Variants in CTNNA2 observed in about 807,000 individuals in gnomAD.
CTNNA2 encodes the protein catenin alpha-2.
In CTNNA2, 42 loss-of-function variants were observed where a neutral mutation model predicts 101.0. That is an observed-to-expected ratio of 0.42 (90% CI 0.32 to 0.54). The LOEUF is 0.54. Among genes scored for constraint, CTNNA2 ranks in the 20% least tolerant of loss-of-function variants. The pLI is 0.14. For missense variants in CTNNA2, 871 were observed against 1,223.1 expected (o/e 0.71, Z 4.29); for synonymous variants, 450 against 456.4 (o/e 0.99, Z 0.18).
chr2:79,794,381 A>G (rs1346769683), intron 3 of CTNNA2, among the ~76,000 whole-genome samples: 2 of 152,100 alleles, frequency 1.3e-5, no homozygotes, highest in East Asian at 3.9e-4. Flanking sequence ...AATGCTTAAT[A>G]TGAACCTCAA....
At chr2:80,558,598 C>G (rs1693266810) in intron 12 of CTNNA2, among the ~76,000 whole-genome samples, 1 of 152,022 alleles carries the variant, frequency 6.6e-6, no homozygotes, top group African/African-American at 2.4e-5. Context: ...GTCCCTGATG[C>G]CAAATTATCT....
intron 2 of CTNNA2, among the ~76,000 whole-genome samples, chr2:79,251,423 CA>C (rs1360848889): frequency 6.6e-6 from 1 of 152,178 alleles, no homozygotes; most frequent in Non-Finnish European, 1.5e-5. Context: ...TACTCATCCT[CA>C]CCTCCTGGTA....
At chr2:79,670,742 A>T (rs1055480786) in intron 2 of CTNNA2, among the ~76,000 whole-genome samples, 1 of 152,160 alleles carries the variant, frequency 6.6e-6, no homozygotes, top group African/African-American at 2.4e-5. Context: ...AGTTTGGTTC[A>T]TTGAAGCTGA....
Position 79,882,378 on chromosome 2 carries a change from G to A in CTNNA2, c.852+8036G>A, listed in dbSNP as rs1683502687. 1.3e-5 allele frequency among the ~76,000 whole-genome samples: 2 copies of A among 152,218 alleles called. 1 individual carries two copies. Among genetic ancestry groups the A allele is most frequent in the South Asian group, 4.1e-4 (2 of 4,838 alleles). Reference sequence around the variant, plus strand: ...CCCCCTAGGGGCTCAGGCCCAGAGAGATCCATTTTCTGTCCCTGAGTCTCT... The same window carrying A: ...CCCCCTAGGGGCTCAGGCCCAGAGAAATCCATTTTCTGTCCCTGAGTCTCT... On this transcript the variant is annotated intron_variant, in intron 6 of 18. Coordinates refer to ENST00000402739, the MANE Select transcript of CTNNA2 (RefSeq NM_001282597.3).
At chr2:79,524,146 A>G (rs1672270107) in intron 1 of CTNNA2, among the ~76,000 whole-genome samples, 1 of 152,016 alleles carries the variant, frequency 6.6e-6, no homozygotes, top group Non-Finnish European at 1.5e-5. Context: ...TTTAGTTAGT[A>G]TTATATTTAA....
At chr2:80,203,945 G>T (rs1707367820) in intron 7 of CTNNA2, among the ~76,000 whole-genome samples, 1 of 152,168 alleles carries the variant, frequency 6.6e-6, no homozygotes, top group African/African-American at 2.4e-5. Context: ...GCACCTGCAG[G>T]CTCAACACCA....
At chr2:79,811,102 C>T (rs1202814639) in intron 3 of CTNNA2, among the ~76,000 whole-genome samples, 4 of 151,126 alleles carry the variant, frequency 2.6e-5, no homozygotes, top group African/African-American at 4.9e-5. Flanking sequence ...GGGATCGCCA[C>T]ACTGACTTCC....
chr2:80,125,140 G>T (rs192755812), intron 7 of CTNNA2, among the ~76,000 whole-genome samples: 6 of 152,236 alleles, frequency 3.9e-5, no homozygotes, highest in African/African-American at 1.4e-4. Context: ...CAAATCTGGG[G>T]CATCAAAATC....
intron 6 of CTNNA2, among the ~76,000 whole-genome samples, chr2:79,894,103 CTCT>C (rs771435317): frequency 8.5e-4 from 107 of 125,628 alleles, no homozygotes; most frequent in African/African-American, 2.5e-3. Flanking sequence ...CTCTTTCTTC[CTCT>C]TCTTCTTTTT....
chr2:80,008,289 G>A (rs755365614), intron 7 of CTNNA2, among the ~76,000 whole-genome samples: 5 of 152,132 alleles, frequency 3.3e-5, no homozygotes, highest in Admixed American at 2.0e-4. Context: ...TATCGCTCCC[G>A]CAGTCACCCC....
intron 3 of CTNNA2, among the ~76,000 whole-genome samples, chr2:79,830,440 A>T (rs1303250580): frequency 1.3e-5 from 2 of 152,298 alleles, no homozygotes; most frequent in East Asian, 3.9e-4. Flanking sequence ...AGGCCAGTGG[A>T]TGCCTAAAAG....
chr2:80,589,892 G>GTGTGTGTGTGTC (rs1553400592), intron 15 of CTNNA2, among the ~76,000 whole-genome samples: 3 of 149,266 alleles, frequency 2.0e-5, no homozygotes, highest in African/African-American at 7.4e-5. Context: ...GTGTGTGTGT[G>GTGTGTGTGTGTC]TGTGTGTGTG....
chr2:80,096,366 A>G (rs1700153484), intron 7 of CTNNA2, among the ~76,000 whole-genome samples: 1 of 152,140 alleles, frequency 6.6e-6, no homozygotes, highest in African/African-American at 2.4e-5. Flanking sequence ...GTGGTCTGAG[A>G]GAGAGTTTTT....
At chr2:80,466,470 G>A (rs549120150) in intron 9 of CTNNA2, among the ~76,000 whole-genome samples, 1 of 152,202 alleles carries the variant, frequency 6.6e-6, no homozygotes, top group Middle Eastern at 3.4e-3. Flanking sequence ...GTAAAACTTG[G>A]CAAAGCACAT....
At chr2:79,234,827 G>A (rs2104244583) in intron 2 of CTNNA2, among the ~76,000 whole-genome samples, 1 of 152,198 alleles carries the variant, frequency 6.6e-6, no homozygotes, top group East Asian at 1.9e-4. Context: ...TTCTGCTATT[G>A]ATACTTCCAA....
chr2:80,298,241 C>T (rs1440527320), intron 7 of CTNNA2: 1 of 152,070 alleles, frequency 6.6e-6, no homozygotes, highest in Non-Finnish European at 1.5e-5. Context: ...CATATTCTAG[C>T]TAATTCCTTT....
At chr2:79,534,915 T>C (rs979155613) in intron 1 of CTNNA2, among the ~76,000 whole-genome samples, 1 of 150,984 alleles carries the variant, frequency 6.6e-6, no homozygotes, top group African/African-American at 2.4e-5. Context: ...AAAAAAAAAC[T>C]CCTGCAAAAC....
intron 7 of CTNNA2, among the ~76,000 whole-genome samples, chr2:80,008,696 C>T (rs1026666197): frequency 1.1e-4 from 17 of 152,158 alleles, no homozygotes; most frequent in Admixed American, 5.9e-4. Flanking sequence ...TTTTTGAGCA[C>T]GTCACTTATG....
At chr2:79,582,487 G>T (rs748612763) in intron 1 of CTNNA2, among the ~76,000 whole-genome samples, 1 of 151,696 alleles carries the variant, frequency 6.6e-6, no homozygotes. Flanking sequence ...TTTTATCTCC[G>T]CATGCTCAAA....
Sources: allele counts gnomAD v4.1 joint callset (sites outside exome capture counted in the v4.1 genomes callset), GRCh38; gene constraint gnomAD v4.1.1; transcripts MANE v1.5; gene names NCBI Gene and HGNC (gene_info 2026-07-23, HGNC 2026-07-21).